The following GLI2 variants were observed in gnomAD, a reference collection of about 807,000 sequenced individuals.
The protein encoded by GLI2 is GLI family zinc finger 2.
GLI2 carries 22 observed loss-of-function variants against 78.9 expected under a neutral mutation model. The ratio of observed to expected loss-of-function variants is 0.28; its 90% confidence interval spans 0.20 to 0.40. GLI2 has a LOEUF of 0.40. Ranked by LOEUF, GLI2 falls within the 10% of genes least tolerant of loss-of-function variation. The pLI is 1.00. For missense variants in GLI2, 2,097 were observed against 2,213.2 expected, an observed-to-expected ratio of 0.95 and a Z score of 1.05; for synonymous variants, 974 against 963.7, an observed-to-expected ratio of 1.01 and a Z score of -0.20.
intron 5 of GLI2, among the ~76,000 whole-genome samples, chr2:120,960,239 C>A (rs1037203798): frequency 6.6e-6 from 1 of 152,196 alleles, no homozygotes; most frequent in Non-Finnish European, 1.5e-5. Flanking sequence ...CCTGTCCCGA[C>A]CTGACGCCCC....
intron 2 of GLI2, among the ~76,000 whole-genome samples, chr2:120,807,182 A>G (rs1204034696): frequency 6.6e-6 from 1 of 152,270 alleles, no homozygotes; most frequent in East Asian, 1.9e-4. Flanking sequence ...GGGAGCCATC[A>G]GCCCCAGGAC....
At position 120,919,962 on chromosome 2, in the gene GLI2, T is replaced by A. The variant is rs572709688; in HGVS notation, c.149-7399T>A. 3.1e-3 allele frequency among the ~76,000 whole-genome samples: 466 copies of A among 152,372 alleles called. 1 individual carries two copies. Among genetic ancestry groups the A allele is most frequent in the African/African-American group, 0.011 (438 of 41,586 alleles). On this transcript the variant is annotated intron_variant, in intron 2 of 13. Coordinates refer to ENST00000361492, the MANE Select transcript of GLI2 (RefSeq NM_001374353.1). ...GCTGCCTCGTCGTAACACAGACCTG[T>A]ATGGTGCAAGGCTGGGCCTCACCTT...
chr2:120,903,251 G>A (rs1678352970), intron 2 of GLI2, among the ~76,000 whole-genome samples: 1 of 152,110 alleles, frequency 6.6e-6, no homozygotes, highest in African/African-American at 2.4e-5. Context: ...CGGGCACAGT[G>A]GCAGGCACTT....
intron 5 of GLI2, among the ~76,000 whole-genome samples, chr2:120,965,671 G>C (rs1010321591): frequency 6.6e-6 from 1 of 151,956 alleles, no homozygotes; most frequent in Admixed American, 6.5e-5. Context: ...CAGCCGGGAT[G>C]CAGGTGCTGC....
intron 1 of GLI2, among the ~76,000 whole-genome samples, chr2:120,794,552 C>G (rs1684295235): frequency 6.6e-6 from 1 of 151,448 alleles, no homozygotes; most frequent in South Asian, 2.1e-4. Flanking sequence ...CACAGAGCAG[C>G]CAGCGGGAGA....
intron 1 of GLI2, among the ~76,000 whole-genome samples, chr2:120,738,990 G>A (rs552339008): frequency 1.5e-4 from 23 of 151,770 alleles, no homozygotes; most frequent in Non-Finnish European, 2.9e-4. Context: ...AGAGAGCACC[G>A]AATGCAGAGT....
chr2:120,921,455 C>CT (rs1293920036), intron 2 of GLI2, among the ~76,000 whole-genome samples: 1 of 152,100 alleles, frequency 6.6e-6, no homozygotes, highest in Non-Finnish European at 1.5e-5. Flanking sequence ...CTCCTGAAGC[C>CT]TTGGGGTGTC....
intron 2 of GLI2, among the ~76,000 whole-genome samples, chr2:120,901,927 G>A (rs1678276954): frequency 6.6e-6 from 1 of 152,056 alleles, no homozygotes; most frequent in Non-Finnish European, 1.5e-5. Flanking sequence ...TAATTTTTTA[G>A]GTAGAAAATC....
intron 2 of GLI2, among the ~76,000 whole-genome samples, chr2:120,826,078 G>C (rs886105862): frequency 6.6e-6 from 1 of 151,954 alleles, no homozygotes; most frequent in Non-Finnish European, 1.5e-5. Flanking sequence ...GCGTTGGGCC[G>C]TGGCCAGGCT....
intron 2 of GLI2, among the ~76,000 whole-genome samples, chr2:120,926,536 G>C (rs1321832991): frequency 6.6e-6 from 1 of 152,126 alleles, no homozygotes; most frequent in Non-Finnish European, 1.5e-5. Context: ...CCACTTCTTA[G>C]CCCTTTTCCC....
At chr2:120,894,961 T>C (rs1419382789) in intron 2 of GLI2, among the ~76,000 whole-genome samples, 1 of 152,242 alleles carries the variant, frequency 6.6e-6, no homozygotes, top group African/African-American at 2.4e-5. Context: ...CTTCCCAAAG[T>C]TCTGGGATTA....
chr2:120,971,871 A>C, intron 7 of GLI2, 70 bp from the exon 8 acceptor site: 1 of 1,415,624 alleles, frequency 7.1e-7, no homozygotes, highest in Non-Finnish European at 1.0e-6. Context: ...CTAGAGTTAA[A>C]GTCCAAAAAA....
intron 2 of GLI2, among the ~76,000 whole-genome samples, chr2:120,823,823 G>A (rs546864859): frequency 4.6e-5 from 7 of 152,308 alleles, no homozygotes; most frequent in East Asian, 3.9e-4. Context: ...AGGCCTAGGC[G>A]AAGGCGCAGT....
At chr2:120,960,064 C>T (rs916148138) in intron 5 of GLI2, among the ~76,000 whole-genome samples, 23 of 152,214 alleles carry the variant, frequency 1.5e-4, no homozygotes, top group African/African-American at 5.3e-4. Flanking sequence ...GTCTCATGCA[C>T]ACACGCTGGT....
intron 5 of GLI2, among the ~76,000 whole-genome samples, chr2:120,957,738 C>T (rs1420142564): frequency 3.9e-5 from 6 of 152,224 alleles, no homozygotes; most frequent in East Asian, 1.9e-4. Context: ...CGTGTGTGTA[C>T]GTGCACACGT....
chr2:120,984,447 A>T (rs1320258501), intron 11 of GLI2, 24 bp from the exon 12 acceptor site: 1 of 1,613,696 alleles, frequency 6.2e-7, no homozygotes, highest in East Asian at 2.2e-5. Flanking sequence ...CCTATCCATG[A>T]CACAGGCCTG....
intron 1 of GLI2, among the ~76,000 whole-genome samples, chr2:120,784,837 C>G (rs1386284371): frequency 6.6e-6 from 1 of 152,182 alleles, no homozygotes; most frequent in African/African-American, 2.4e-5. Context: ...CAGAGCTTAT[C>G]CCTGCTAGGA....
At chr2:120,739,989 GAA>G (rs1682479335) in intron 1 of GLI2, among the ~76,000 whole-genome samples, 1 of 152,092 alleles carries the variant, frequency 6.6e-6, no homozygotes, top group South Asian at 2.1e-4. Flanking sequence ...AGTGTCCTTT[GAA>G]AAAGAGTGGC....
At chr2:120,857,846 C>T (rs1687733807) in intron 2 of GLI2, among the ~76,000 whole-genome samples, 1 of 132,136 alleles carries the variant, frequency 7.6e-6, no homozygotes, top group South Asian at 2.7e-4. Flanking sequence ...CCCTTGTAAA[C>T]CCTCCTTCCC....
Sources: gnomAD v4.1 joint callset for allele counts (sites outside exome capture counted in the v4.1 genomes callset) on GRCh38, gnomAD v4.1.1 for gene constraint, MANE v1.5 for transcripts, NCBI Gene and HGNC (gene_info 2026-07-23, HGNC 2026-07-21) for gene names.